The following CACNA1C variants were observed in gnomAD, a reference collection of about 807,000 sequenced individuals.
CACNA1C encodes voltage-dependent L-type calcium channel subunit alpha-1C.
Under a neutral mutation model 229.0 loss-of-function variants are expected in CACNA1C, and 30 were observed. The ratio of observed to expected loss-of-function variants is 0.13; its 90% CI spans 0.10 to 0.18. CACNA1C has a LOEUF of 0.18. Among genes scored for constraint, CACNA1C ranks in the 10% least tolerant of loss-of-function variants. CACNA1C has a pLI of 1.00. For synonymous variants in CACNA1C, 1,114 were observed against 1,132.5 expected (o/e 0.98, Z 0.33); for missense variants, 1,658 against 2,845.0 (o/e 0.58, Z 9.49).
At chr12:2,143,852 C>T (rs1384320616) in intron 3 of CACNA1C, among the ~76,000 whole-genome samples, 1 of 150,972 alleles carries the variant, frequency 6.6e-6, no homozygotes, top group Non-Finnish European at 1.5e-5. Context: ...TGATTTTTCT[C>T]CCTGCCCCAC....
intron 3 of CACNA1C, among the ~76,000 whole-genome samples, chr12:2,438,860 A>G (rs1420123409): frequency 1.3e-5 from 2 of 152,118 alleles, no homozygotes; most frequent in Non-Finnish European, 2.9e-5. Context: ...TCCCTGGGCC[A>G]GGTGTTGGTC....
At chr12:2,003,840 G>T (rs772615988) in intron 1 of CACNA1C, among the ~76,000 whole-genome samples, 13 of 151,996 alleles carry the variant, frequency 8.6e-5, no homozygotes, top group Non-Finnish European at 1.5e-4. Flanking sequence ...ATTTCTCTTT[G>T]CCCCATCTAA....
At chr12:2,449,642 G>A (rs906834108) in intron 4 of CACNA1C, among the ~76,000 whole-genome samples, 72 of 152,202 alleles carry the variant, frequency 4.7e-4, no homozygotes, top group African/African-American at 1.7e-3. Flanking sequence ...TATGACCCAA[G>A]AGCACCCCTC....
Position 2,678,913 on chromosome 12 carries a change from A to T in CACNA1C, c.5092-531A>T, listed in dbSNP as rs1055432055. On this transcript the variant is annotated intron_variant, in intron 41 of 46. Transcript: ENST00000399655. The surrounding 1 kb of genome is among the most constrained non-coding windows in gnomAD (Gnocchi z 4.1). ...GGTTTTAAATCTCTCTGAGTCCCCG[A>T]GGGGAAAAAGACCATCATGCAGGAA... Among the ~76,000 whole-genome samples the T allele has an allele frequency of 3.3e-5, 5 of 152,332 alleles. No individual in the cohort carries two copies. The East Asian group carries it at 9.6e-4, about 29-fold the overall frequency.
rs763030397 is a variant in CACNA1C at position 1,993,410 on chromosome 12, CA to C, written c.139+22210del. 5.0e-6 allele frequency: 8 copies of C among 1,606,320 alleles called. No homozygotes were observed. The African/African-American group carries it at 8.0e-5, about 16-fold the overall frequency. On this transcript the variant is annotated intron_variant, in intron 1 of 46. Coordinates refer to the CACNA1C transcript ENST00000682462. ...AGCAGACCTAAAAATCACAAGGAGT[CA>C]GGGGGAAATCAATAGACAAATTGCT...
intron 9 of CACNA1C, among the ~76,000 whole-genome samples, chr12:2,524,743 TCAG>T (rs1343771802): frequency 6.6e-6 from 1 of 152,172 alleles, no homozygotes; most frequent in Non-Finnish European, 1.5e-5. Flanking sequence ...GCTGGAGGCT[TCAG>T]CAGCCAGGCC....
chr12:2,061,882 C>T (rs1401147098), intron 1 of CACNA1C, among the ~76,000 whole-genome samples: 1 of 152,120 alleles, frequency 6.6e-6, no homozygotes, highest in Non-Finnish European at 1.5e-5. Flanking sequence ...GGAAAATAAA[C>T]TTATTTATTT....
At position 2,567,589 on chromosome 12, in the gene CACNA1C, C is replaced by T; in HGVS notation, c.1690C>T (p.Leu564=). 1.3e-6 allele frequency: 2 copies of T among 1,594,026 alleles called. No individual in the cohort carries two copies. Among genetic ancestry groups the T allele is most frequent in the Non-Finnish European group, 1.7e-6 (2 of 1,169,910 alleles). The change falls in exon 13 of 47, where the codon CTG becomes TTG. Residue 564 remains leucine (L), a synonymous_variant. Coordinates refer to ENST00000399655, the MANE Select transcript of CACNA1C (RefSeq NM_000719.7). ...GCCAGACACGGCAAACAAGGCCCTGCTGGCCCTGTTCACGGCAGAGATGCT... is the reference window on the plus strand; with the variant it reads ...GCCAGACACGGCAAACAAGGCCCTGTTGGCCCTGTTCACGGCAGAGATGCT... The part of the protein sequence containing the change: ...EVQDTANKAL[L]ALFTAEMLLK...
chr12:2,438,017 T>TA, intron 3 of CACNA1C, among the ~76,000 whole-genome samples: 1 of 133,466 alleles, frequency 7.5e-6, no homozygotes, highest in East Asian at 2.3e-4. Flanking sequence ...ATGGTAGCGG[T>TA]ATGATGGTAG....
chr12:2,560,151 G>T (rs1286915483), intron 11 of CACNA1C, among the ~76,000 whole-genome samples: 1 of 152,200 alleles, frequency 6.6e-6, no homozygotes, highest in East Asian at 1.9e-4. Flanking sequence ...CACATGAGCA[G>T]GTATCACACA....
intron 1 of CACNA1C, among the ~76,000 whole-genome samples, chr12:2,060,472 G>T (rs538432933): frequency 6.6e-6 from 1 of 152,364 alleles, no homozygotes; most frequent in South Asian, 2.1e-4. Flanking sequence ...CCATGGAAGA[G>T]AATCACTAGG....
Position 2,346,021 on chromosome 12 carries a change from G to A in CACNA1C, c.478-102955G>A, listed in dbSNP as rs553617665. ...CTTGGTCTGTGAAGGAACGTGGGCC[G>A]TATGGCAGTGATGGGAGGAGGCTGA... On this transcript the variant is annotated intron_variant, in intron 3 of 46. Coordinates refer to ENST00000399655, the MANE Select transcript of CACNA1C (RefSeq NM_000719.7). This position sits in a 1 kb window ranked among gnomAD's most constrained non-coding sequence, Gnocchi z 4.4. 2.6e-5 allele frequency among the ~76,000 whole-genome samples: 4 copies of A among 152,164 alleles called. No homozygotes were observed. The highest frequency in any genetic ancestry group is 1.9e-4 in the East Asian group (1 of 5,188).
At chr12:2,536,782 T>C (rs2099856724) in intron 9 of CACNA1C, among the ~76,000 whole-genome samples, 1 of 152,042 alleles carries the variant, frequency 6.6e-6, no homozygotes, top group South Asian at 2.1e-4. Context: ...TGAGCCAAGA[T>C]CATGTCACTA....
chr12:2,637,413 AC>A (rs2092914279), intron 30 of CACNA1C, among the ~76,000 whole-genome samples: 1 of 152,172 alleles, frequency 6.6e-6, no homozygotes, highest in African/African-American at 2.4e-5. Flanking sequence ...ATAACTTACA[AC>A]CCACAGTCGA....
In CACNA1C at chr12:2,512,921, C is replaced by G. The variant is rs1458504552; in HGVS notation, c.1327C>G (p.Gln443Glu). The change falls in exon 9 of 47, where the codon CAG (glutamine) becomes GAG (glutamate). Residue 443 changes from glutamine to glutamate, a missense_variant. Physicochemically the swap from Gln to Glu is conservative, Grantham distance 29. Transcript: ENST00000399655. This position sits in a 1 kb window ranked among gnomAD's most constrained non-coding sequence, Gnocchi z 4.3. ...DLKGYLDWIT[Q>E]AEDIDPENED... is the part of the protein sequence containing the mutation. ...CAAAGGCTACCTGGATTGGATCACT[C>G]AGGCCGAAGACATCGATCCTGAGAA... 6.2e-7 allele frequency: 1 copy of G among 1,612,376 alleles called. No individual in the cohort carries two copies. Among genetic ancestry groups the G allele is most frequent in the South Asian group, 1.1e-5 (1 of 90,546 alleles).
rs1292131726 is a variant in CACNA1C at position 2,100,483 on chromosome 12, A to AC, written c.50-14741_50-14740insC. On this transcript the variant is annotated intron_variant, in intron 1 of 46. Transcript: ENST00000399655. ...CTCCATCTCAAAAAAAAAAAAACAA[A>AC]AAAAAAAAACAACAAAAATTGGATG... 8.4e-4 allele frequency among the ~76,000 whole-genome samples: 125 copies of AC among 148,532 alleles called. 1 individual carries two copies. Among genetic ancestry groups the AC allele is most frequent in the Admixed American group, 1.8e-3 (27 of 14,920 alleles).
chr12:2,112,926 A>G (rs1188982465), intron 1 of CACNA1C, among the ~76,000 whole-genome samples: 1 of 152,224 alleles, frequency 6.6e-6, no homozygotes, highest in Non-Finnish European at 1.5e-5. Flanking sequence ...TGACAGCCCC[A>G]CCAGGTCCAA....
intron 3 of CACNA1C, among the ~76,000 whole-genome samples, chr12:2,303,314 A>G (rs2094725803): frequency 6.6e-6 from 1 of 152,074 alleles, no homozygotes; most frequent in Non-Finnish European, 1.5e-5. Context: ...ATCTGAGATC[A>G]AGGTGGTGCA....
chr12:2,121,224 A>G (rs1023278263), intron 3 of CACNA1C, among the ~76,000 whole-genome samples: 6 of 152,126 alleles, frequency 3.9e-5, no homozygotes, highest in African/African-American at 1.2e-4. Context: ...TGATTTCCAC[A>G]TGGCGTGTTT....
Sources: gnomAD v4.1 joint callset for allele counts (sites outside exome capture counted in the v4.1 genomes callset) on GRCh38, gnomAD v4.1.1 for gene constraint, Gnocchi (gnomAD v3.1) non-coding constraint, MANE v1.5 for transcripts, NCBI Gene and HGNC (gene_info 2026-07-23, HGNC 2026-07-21) for gene names.